The following SPAG16 variants were observed in gnomAD, a reference collection of about 807,000 sequenced individuals.
The protein encoded by SPAG16 is sperm-associated antigen 16 protein.
A neutral mutation model predicts 80.4 loss-of-function variants in SPAG16; 86 were observed. The ratio of observed to expected loss-of-function variants is 1.07; its 90% CI spans 0.90 to 1.28. The LOEUF (loss-of-function observed/expected upper bound fraction) is 1.28, where lower values mean the gene tolerates loss of function less well. Ranked by LOEUF, SPAG16 falls within the 50% of genes most tolerant of loss-of-function variation. SPAG16 has a pLI of 0.00. For synonymous variants in SPAG16, 294 were observed against 265.9 expected (o/e 1.11, Z -1.03); for missense variants, 870 against 765.3 (o/e 1.14, Z -1.61).
At chr2:213,921,889 A>G (rs2078240120) in intron 11 of SPAG16, among the ~76,000 whole-genome samples, 1 of 152,178 alleles carries the variant, frequency 6.6e-6, no homozygotes, top group African/African-American at 2.4e-5. Flanking sequence ...GTTTCTGCTG[A>G]AAAGTCCAGC....
chr2:213,986,880 C>G (rs1235944944), intron 12 of SPAG16, among the ~76,000 whole-genome samples: 2 of 124,604 alleles, frequency 1.6e-5, no homozygotes, highest in Non-Finnish European at 3.2e-5. Context: ...ATTTGTCTGC[C>G]TCTGGTATAG....
At chr2:213,588,007 A>G (rs2060529509) in intron 10 of SPAG16, among the ~76,000 whole-genome samples, 1 of 152,240 alleles carries the variant, frequency 6.6e-6, no homozygotes, top group Non-Finnish European at 1.5e-5. Flanking sequence ...CTAGATTACA[A>G]TAAGATAAAC....
chr2:213,381,566 G>A (rs1307971201), intron 9 of SPAG16, among the ~76,000 whole-genome samples: 1 of 152,152 alleles, frequency 6.6e-6, no homozygotes, highest in Non-Finnish European at 1.5e-5. Flanking sequence ...TTTAACACAA[G>A]GCTACATGAT....
intron 13 of SPAG16, among the ~76,000 whole-genome samples, chr2:214,034,231 G>A (rs1220198809): frequency 2.0e-5 from 3 of 152,172 alleles, no homozygotes; most frequent in African/African-American, 7.2e-5. Context: ...TGTCATTAAC[G>A]GTGATGTTAA....
At chr2:213,714,692 T>C (rs2066153437) in intron 10 of SPAG16, among the ~76,000 whole-genome samples, 1 of 152,108 alleles carries the variant, frequency 6.6e-6, no homozygotes, top group South Asian at 2.1e-4. Context: ...ATCCTCATAA[T>C]AATGCTAAAA....
At chr2:214,271,886 G>A (rs901857504) in intron 15 of SPAG16, among the ~76,000 whole-genome samples, 9 of 151,284 alleles carry the variant, frequency 5.9e-5, no homozygotes, top group African/African-American at 2.2e-4. Context: ...AGAATAGCAG[G>A]AGTCTGTTTT....
At chr2:214,284,481 G>T (rs528947748) in intron 15 of SPAG16, among the ~76,000 whole-genome samples, 19 of 152,196 alleles carry the variant, frequency 1.2e-4, no homozygotes, top group African/African-American at 4.6e-4. Context: ...CCCTACTGGT[G>T]GTGCATCTGT....
chr2:213,346,789 T>C lies in SPAG16; in HGVS notation c.645-3739T>C, dbSNP rs1575294718. Among the ~76,000 whole-genome samples, 3 of 152,248 alleles carry C rather than the reference T, an allele frequency of 2.0e-5. No individual in the cohort carries two copies. The East Asian group carries it at 5.8e-4, about 29-fold the overall frequency. ...CTGCTGGATTCGGTTTGCCAGTATT[T>C]TATTGAGGATTTTTGCATCGATGTT... On this transcript the variant is annotated intron_variant, in intron 6 of 15. Coordinates refer to ENST00000331683, the MANE Select transcript of SPAG16 (RefSeq NM_024532.5).
intron 15 of SPAG16, among the ~76,000 whole-genome samples, chr2:214,219,410 C>T (rs1188559243): frequency 1.3e-5 from 2 of 151,898 alleles, no homozygotes; most frequent in African/African-American, 2.4e-5. Context: ...AGAATAGAAA[C>T]AACTTATCAA....
intron 10 of SPAG16, among the ~76,000 whole-genome samples, chr2:213,744,703 A>G (rs2067734818): frequency 6.6e-6 from 1 of 152,168 alleles, no homozygotes; most frequent in Non-Finnish European, 1.5e-5. Flanking sequence ...TAAGGGATGG[A>G]GGAAGACTTT....
At chr2:213,628,891 G>T (rs1322544511) in intron 10 of SPAG16, among the ~76,000 whole-genome samples, 2 of 152,096 alleles carry the variant, frequency 1.3e-5, no homozygotes, top group South Asian at 2.1e-4. Flanking sequence ...GTTTGTGTCT[G>T]TTAAGCGTGT....
intron 11 of SPAG16, among the ~76,000 whole-genome samples, chr2:213,896,525 A>C (rs548802427): frequency 1.3e-5 from 2 of 150,860 alleles, no homozygotes; most frequent in East Asian, 2.0e-4. Context: ...AGTAGCCAAA[A>C]TGTGGAAGCA....
chr2:213,517,666 A>G (rs140551216), intron 10 of SPAG16, among the ~76,000 whole-genome samples: 6 of 152,264 alleles, frequency 3.9e-5, no homozygotes, highest in African/African-American at 1.4e-4. Flanking sequence ...AGCCACACAC[A>G]TCTGATCTTT....
At chr2:213,722,280 A>G (rs909705075) in intron 10 of SPAG16, among the ~76,000 whole-genome samples, 1 of 152,234 alleles carries the variant, frequency 6.6e-6, no homozygotes, top group African/African-American at 2.4e-5. Context: ...TACTCAGAAC[A>G]AAGTATCTCT....
intron 9 of SPAG16, among the ~76,000 whole-genome samples, chr2:213,432,698 C>T (rs2070381616): frequency 6.6e-6 from 1 of 152,102 alleles, no homozygotes; most frequent in Non-Finnish European, 1.5e-5. Context: ...ACCCATCCTC[C>T]AGAAACTCTT....
chr2:213,602,389 G>T (rs144427765), intron 10 of SPAG16, among the ~76,000 whole-genome samples: 7 of 152,042 alleles, frequency 4.6e-5, no homozygotes, highest in African/African-American at 1.7e-4. Context: ...ATCCCAGCCC[G>T]TTGGGAGGCT....
At chr2:213,466,556 G>A (rs951314470) in intron 9 of SPAG16, among the ~76,000 whole-genome samples, 1 of 152,124 alleles carries the variant, frequency 6.6e-6, no homozygotes, top group African/African-American at 2.4e-5. Context: ...TTTGAGGAGG[G>A]GAAAGTAGGA....
chr2:213,992,508 T>A (rs1260524412), intron 12 of SPAG16, among the ~76,000 whole-genome samples: 2 of 152,344 alleles, frequency 1.3e-5, no homozygotes, highest in Middle Eastern at 3.4e-3. Context: ...TATCCATTTT[T>A]AAAATTATTA....
At chr2:213,976,353 GAT>G (rs1454488084) in intron 12 of SPAG16, among the ~76,000 whole-genome samples, 1 of 150,976 alleles carries the variant, frequency 6.6e-6, no homozygotes, top group South Asian at 2.1e-4. Context: ...TATATCAGAT[GAT>G]ATATATACAG....
Sources: gnomAD v4.1 joint callset for allele counts (sites outside exome capture counted in the v4.1 genomes callset) on GRCh38, gnomAD v4.1.1 for gene constraint, MANE v1.5 for transcripts, NCBI Gene and HGNC (gene_info 2026-07-23, HGNC 2026-07-21) for gene names.